DYNC1I1: variants seen among roughly 807,000 people sequenced by gnomAD.
The protein encoded by DYNC1I1 is cytoplasmic dynein 1 intermediate chain 1.
In DYNC1I1, 43 loss-of-function variants were observed where a neutral mutation model predicts 86.6. That is an observed-to-expected ratio of 0.50 (90% CI 0.39 to 0.64). The LOEUF (loss-of-function observed/expected upper bound fraction) is 0.64. Ranked by LOEUF, DYNC1I1 falls within the 30% of genes least tolerant of loss-of-function variation. The probability of loss-of-function intolerance (pLI) is 0.00; values close to 1 mark genes in which losing one functional copy is unlikely to be tolerated. For missense variants in DYNC1I1, 604 were observed against 788.8 expected, an observed-to-expected ratio of 0.77 and a Z score of 2.81; for synonymous variants, 262 against 283.7, an observed-to-expected ratio of 0.92 and a Z score of 0.77.
chr7:95,844,070 G>A (rs2116030394), intron 5 of DYNC1I1, among the ~76,000 whole-genome samples: 1 of 152,302 alleles, frequency 6.6e-6, no homozygotes, highest in South Asian at 2.1e-4. Flanking sequence ...CAGTCTTCCA[G>A]AAGATGGGCT....
intron 5 of DYNC1I1, among the ~76,000 whole-genome samples, chr7:95,862,597 T>G (rs936569312): frequency 2.6e-5 from 4 of 152,224 alleles, no homozygotes; most frequent in Non-Finnish European, 5.9e-5. Flanking sequence ...AATACACTGC[T>G]AGTGGGAATG....
At chr7:95,789,099 T>A (rs1794223290) in intron 1 of DYNC1I1, among the ~76,000 whole-genome samples, 1 of 152,152 alleles carries the variant, frequency 6.6e-6, no homozygotes, top group Admixed American at 6.5e-5. Context: ...TACACATGAG[T>A]ATCAGAAGGG....
At chr7:95,945,793 A>T (rs975046605) in intron 6 of DYNC1I1, among the ~76,000 whole-genome samples, 5 of 152,204 alleles carry the variant, frequency 3.3e-5, no homozygotes, top group Non-Finnish European at 5.9e-5. Context: ...TGTTTAAAGA[A>T]AACACACTAA....
chr7:96,033,062 A>G (rs770807345), intron 12 of DYNC1I1, among the ~76,000 whole-genome samples: 6 of 152,214 alleles, frequency 3.9e-5, no homozygotes, highest in South Asian at 4.1e-4. Context: ...GAAGTTGCCT[A>G]TGGTATGAAT....
intron 16 of DYNC1I1, among the ~76,000 whole-genome samples, chr7:96,092,890 A>G (rs1790889292): frequency 6.6e-6 from 1 of 152,156 alleles, no homozygotes; most frequent in African/African-American, 2.4e-5. Flanking sequence ...AAAACACATT[A>G]CCTGCCTGCC....
At position 95,929,696 on chromosome 7, in the gene DYNC1I1, A is replaced by G. The variant is rs550662756; in HGVS notation, c.491-47816A>G. 7.9e-5 allele frequency among the ~76,000 whole-genome samples: 12 copies of G among 152,352 alleles called. No individual in the cohort carries two copies. The South Asian group carries it at 2.5e-3, about 32-fold the overall frequency. ...TCCATATTCAGTCTCTCCTCCCCCA[A>G]GGGTAACCACTACATCATAGATTAG... On this transcript the variant is annotated intron_variant, in intron 6 of 16. Coordinates refer to ENST00000447467, the MANE Select transcript of DYNC1I1 (RefSeq NM_001135556.2).
At chr7:95,781,520 T>A (rs139072121) in intron 1 of DYNC1I1, among the ~76,000 whole-genome samples, 3 of 150,576 alleles carry the variant, frequency 2.0e-5, no homozygotes, top group African/African-American at 7.5e-5. Flanking sequence ...CTTTGAGTGC[T>A]CCCTTTCCCT....
At chr7:95,791,061 AT>A (rs1368508898) in intron 1 of DYNC1I1, among the ~76,000 whole-genome samples, 1 of 152,190 alleles carries the variant, frequency 6.6e-6, no homozygotes, top group Non-Finnish European at 1.5e-5. Context: ...GAATAAATTG[AT>A]TTTTTGTGAG....
intron 14 of DYNC1I1, among the ~76,000 whole-genome samples, chr7:96,047,689 C>T (rs930913227): frequency 3.9e-5 from 6 of 151,974 alleles, no homozygotes; most frequent in Non-Finnish European, 8.8e-5. Context: ...GATAGAGAGG[C>T]GACTAGCAGG....
At chr7:96,092,707 G>A (rs1037990247) in intron 16 of DYNC1I1, among the ~76,000 whole-genome samples, 6 of 152,174 alleles carry the variant, frequency 3.9e-5, no homozygotes, top group African/African-American at 9.7e-5. Flanking sequence ...TCCCTGACAT[G>A]GTCCGAGAAG....
At chr7:96,068,424 A>AT (rs1790059295) in intron 14 of DYNC1I1, among the ~76,000 whole-genome samples, 1 of 152,160 alleles carries the variant, frequency 6.6e-6, no homozygotes, top group Non-Finnish European at 1.5e-5. Flanking sequence ...ACAATGGGAG[A>AT]TGTGGGAGTG....
At chr7:96,076,267 C>A in intron 15 of DYNC1I1, 70 bp downstream of exon 15, 1 of 1,569,186 alleles carries the variant, frequency 6.4e-7, no homozygotes, top group Non-Finnish European at 8.6e-7. Flanking sequence ...CGCAGTCTCT[C>A]CCTCTTTCTC....
chr7:95,797,562 A>G (rs910747610), intron 1 of DYNC1I1, among the ~76,000 whole-genome samples: 1 of 152,242 alleles, frequency 6.6e-6, no homozygotes, highest in African/African-American at 2.4e-5. Flanking sequence ...TAACCTATTC[A>G]TGACATTATA....
chr7:96,089,191 A>AG (rs1790768080), intron 16 of DYNC1I1, among the ~76,000 whole-genome samples: 1 of 151,564 alleles, frequency 6.6e-6, no homozygotes, highest in Non-Finnish European at 1.5e-5. Flanking sequence ...ACTTAAAAAA[A>AG]AAAATTCAGA....
chr7:95,869,363 A>T (rs1790100089), intron 5 of DYNC1I1, among the ~76,000 whole-genome samples: 1 of 152,166 alleles, frequency 6.6e-6, no homozygotes, highest in Admixed American at 6.5e-5. Context: ...TTCACATGCT[A>T]ATCTGTGTTA....
intron 5 of DYNC1I1, among the ~76,000 whole-genome samples, chr7:95,861,038 G>A (rs986031398): frequency 6.6e-6 from 1 of 152,016 alleles, no homozygotes; most frequent in African/African-American, 2.4e-5. Context: ...TTATCTGCTT[G>A]CCTTTCAGGA....
intron 6 of DYNC1I1, among the ~76,000 whole-genome samples, chr7:95,929,704 C>G (rs999918212): frequency 6.6e-6 from 1 of 152,172 alleles, no homozygotes; most frequent in Non-Finnish European, 1.5e-5. Flanking sequence ...CAAGGGTAAC[C>G]ACTACATCAT....
At chr7:95,892,995 ACT>A in intron 6 of DYNC1I1, among the ~76,000 whole-genome samples, 1 of 152,044 alleles carries the variant, frequency 6.6e-6, no homozygotes, top group East Asian at 1.9e-4. Flanking sequence ...TCTGCCATAA[ACT>A]CTTTCCTCGT....
At chr7:96,109,724 T>G (rs1006008580) in intron 16 of DYNC1I1, among the ~76,000 whole-genome samples, 1 of 152,152 alleles carries the variant, frequency 6.6e-6, no homozygotes, top group Non-Finnish European at 1.5e-5. Context: ...TATTTCCAGT[T>G]TGATTCTGTT....
Sources: allele counts gnomAD v4.1 joint callset (sites outside exome capture counted in the v4.1 genomes callset), GRCh38; gene constraint gnomAD v4.1.1; transcripts MANE v1.5; gene names NCBI Gene and HGNC (gene_info 2026-07-23, HGNC 2026-07-21).